RASGRF2: variants seen among roughly 807,000 people sequenced by gnomAD.
RASGRF2 encodes ras-specific guanine nucleotide-releasing factor 2.
RASGRF2 carries 76 observed loss-of-function variants against 151.0 expected under a neutral mutation model. The ratio of observed to expected loss-of-function variants is 0.50; its 90% CI spans 0.42 to 0.61. The LOEUF (loss-of-function observed/expected upper bound fraction) is 0.61. Ranked by LOEUF, RASGRF2 falls within the 20% of genes least tolerant of loss-of-function variation. The pLI is 0.00. For synonymous variants in RASGRF2, 504 were observed against 566.5 expected (o/e 0.89, Z 1.57); for missense variants, 1,148 against 1,564.6 (o/e 0.73, Z 4.49).
intron 16 of RASGRF2, 81 bp downstream of exon 16, chr5:81,123,848 T>C: frequency 7.0e-7 from 1 of 1,438,436 alleles, no homozygotes; most frequent in Non-Finnish European, 9.3e-7. Context: ...CCTAATTGTT[T>C]CACTGCCAAA....
chr5:81,117,855 T>C (rs1261341600), intron 15 of RASGRF2, among the ~76,000 whole-genome samples: 1 of 152,164 alleles, frequency 6.6e-6, no homozygotes, highest in East Asian at 1.9e-4. Flanking sequence ...AAGGGAAAAG[T>C]AGGCAAAAAG....
chr5:81,119,925 T>C (rs1338670617), intron 15 of RASGRF2, among the ~76,000 whole-genome samples: 2 of 152,222 alleles, frequency 1.3e-5, no homozygotes, highest in Admixed American at 6.5e-5. Flanking sequence ...TACTCTAAAA[T>C]AGTTAAATGC....
intron 14 of RASGRF2, among the ~76,000 whole-genome samples, chr5:81,113,143 TC>T (rs1753047959): frequency 6.6e-6 from 1 of 151,078 alleles, no homozygotes; most frequent in African/African-American, 2.5e-5. Context: ...TTTCTTTCTT[TC>T]TTTTTTTTTT....
Position 81,022,336 on chromosome 5 carries a change from C to T in RASGRF2, c.289-20541C>T, listed in dbSNP as rs1382897450. 2.0e-5 allele frequency among the ~76,000 whole-genome samples: 3 copies of T among 152,298 alleles called. No homozygotes were observed. The East Asian group carries it at 5.8e-4, about 29-fold the overall frequency. On this transcript the variant is annotated intron_variant, in intron 1 of 26. Transcript: ENST00000265080. ...AGGATAGTTGGGAGCGTCCATCCCA[C>T]GGAGATGCTCAGGGAGGCTCTGGAT...
At chr5:81,063,447 A>G (rs1454483909) in intron 2 of RASGRF2, among the ~76,000 whole-genome samples, 2 of 152,112 alleles carry the variant, frequency 1.3e-5, no homozygotes, top group Non-Finnish European at 2.9e-5. Flanking sequence ...GAGTTTCACC[A>G]TGTTGGCCAG....
At chr5:81,202,655 A>G (rs957551228) in intron 19 of RASGRF2, among the ~76,000 whole-genome samples, 32 of 152,246 alleles carry the variant, frequency 2.1e-4, no homozygotes, top group Non-Finnish European at 5.9e-5. Context: ...AAATAAGGCC[A>G]TTGCCAGTGT....
At chr5:80,989,884 A>G (rs1354374960) in intron 1 of RASGRF2, among the ~76,000 whole-genome samples, 2 of 152,174 alleles carry the variant, frequency 1.3e-5, no homozygotes, top group Non-Finnish European at 2.9e-5. Context: ...TAAGAGTTAT[A>G]ATGAGGTGAG....
chr5:81,124,981 AG>A (rs1753412885), intron 16 of RASGRF2, among the ~76,000 whole-genome samples: 1 of 151,844 alleles, frequency 6.6e-6, no homozygotes, highest in South Asian at 2.1e-4. Flanking sequence ...TCCACCTCCC[AG>A]GTTCAAGTGA....
chr5:80,988,498 T>C (rs536597732), intron 1 of RASGRF2, among the ~76,000 whole-genome samples: 1 of 152,324 alleles, frequency 6.6e-6, no homozygotes, highest in South Asian at 2.1e-4. Context: ...TGTTATGTGT[T>C]TAAAGTCTTA....
intron 1 of RASGRF2, among the ~76,000 whole-genome samples, chr5:80,967,845 T>C (rs893067087): frequency 2.0e-5 from 3 of 152,236 alleles, no homozygotes; most frequent in Admixed American, 6.5e-5. Context: ...CAGTGATTCA[T>C]AGGAATAGGA....
At chr5:81,202,571 A>T (rs1755421723) in intron 19 of RASGRF2, among the ~76,000 whole-genome samples, 3 of 152,146 alleles carry the variant, frequency 2.0e-5, no homozygotes, top group Admixed American at 6.5e-5. Context: ...TTACAGGTAG[A>T]ATTGTATCTC....
At chr5:81,108,880 G>GTGTT in intron 12 of RASGRF2, 116 bp from the exon 13 acceptor site, 1 of 1,200,186 alleles carries the variant, frequency 8.3e-7, no homozygotes, top group Non-Finnish European at 1.1e-6. Context: ...GTGTGTGTGT[G>GTGTT]TAAGAGACAG....
At chr5:80,980,757 C>T (rs537018727) in intron 1 of RASGRF2, among the ~76,000 whole-genome samples, 3 of 152,262 alleles carry the variant, frequency 2.0e-5, no homozygotes, top group East Asian at 1.9e-4. Context: ...AGTGTTCTAA[C>T]TGTGATGTTT....
rs1035082760 is a variant in RASGRF2 at position 81,198,620 on chromosome 5, T to C, written c.2794-2710T>C. 2.6e-5 allele frequency among the ~76,000 whole-genome samples: 4 copies of C among 152,130 alleles called. No homozygotes were observed. The South Asian group carries it at 8.3e-4, about 32-fold the overall frequency. On this transcript the variant is annotated intron_variant, in intron 18 of 26. Transcript: ENST00000265080. ...ATACCCAGCAAATTTTTTATATTTT[T>C]AGTAGAGACGGGGTTTCACCGTGTT...
At chr5:81,066,631 A>C (rs531635561) in intron 2 of RASGRF2, among the ~76,000 whole-genome samples, 1 of 152,250 alleles carries the variant, frequency 6.6e-6, no homozygotes, top group African/African-American at 2.4e-5. Flanking sequence ...TGCTTTTCTG[A>C]ACATCCGCTT....
chr5:81,140,978 GTGTTTTC>G (rs767513893), intron 17 of RASGRF2, among the ~76,000 whole-genome samples: 1 of 129,702 alleles, frequency 7.7e-6, no homozygotes, highest in Non-Finnish European at 1.7e-5. Flanking sequence ...GCTGTCAGAT[GTGTTTTC>G]TCTGGTTTTT....
At chr5:81,014,902 T>TA (rs1223058591) in intron 1 of RASGRF2, among the ~76,000 whole-genome samples, 1 of 152,168 alleles carries the variant, frequency 6.6e-6, no homozygotes, top group African/African-American at 2.4e-5. Flanking sequence ...GATTCCTCTA[T>TA]AAAAATGAGA....
intron 1 of RASGRF2, among the ~76,000 whole-genome samples, chr5:80,988,641 C>T (rs1336466564): frequency 6.6e-6 from 1 of 152,174 alleles, no homozygotes; most frequent in Non-Finnish European, 1.5e-5. Context: ...TCTAACCTTT[C>T]TGTGCTTCTG....
chr5:81,058,556 T>C (rs1253393400), intron 2 of RASGRF2, among the ~76,000 whole-genome samples: 1 of 152,050 alleles, frequency 6.6e-6, no homozygotes, highest in Non-Finnish European at 1.5e-5. Context: ...GGAGCCCTAA[T>C]GAAATCAATG....
Sources: gnomAD v4.1 joint callset for allele counts (sites outside exome capture counted in the v4.1 genomes callset) on GRCh38, gnomAD v4.1.1 for gene constraint, MANE v1.5 for transcripts, NCBI Gene and HGNC (gene_info 2026-07-23, HGNC 2026-07-21) for gene names.